PRR16: variants seen among roughly 807,000 people sequenced by gnomAD.
PRR16 encodes the protein protein Largen.
Under a neutral mutation model 18.2 loss-of-function variants are expected in PRR16, and 6 were observed. That is an observed-to-expected ratio of 0.33 (90% CI 0.18 to 0.65). The LOEUF (loss-of-function observed/expected upper bound fraction) is 0.65. Ranked by LOEUF, PRR16 falls within the 30% of genes least tolerant of loss-of-function variation. PRR16 has a pLI of 0.74. For missense variants in PRR16, 412 were observed against 376.6 expected, an observed-to-expected ratio of 1.09 and a Z score of -0.78; for synonymous variants, 151 against 147.8, an observed-to-expected ratio of 1.02 and a Z score of -0.16.
At chr5:120,683,529 TAAAC>T (rs1447919917) in intron 1 of PRR16, among the ~76,000 whole-genome samples, 1 of 151,598 alleles carries the variant, frequency 6.6e-6, no homozygotes, top group Middle Eastern at 3.4e-3. Context: ...TGAAACTGTA[TAAAC>T]AAACTAATTA....
downstream of PRR16, among the ~76,000 whole-genome samples, chr5:120,688,123 C>A (rs540363329): frequency 6.2e-4 from 95 of 152,272 alleles, no homozygotes; most frequent in Non-Finnish European, 6.5e-4. Flanking sequence ...AGGCAGATAG[C>A]CTTCAATCGT....
chr5:120,471,857 T>C lies in PRR16; in HGVS notation c.159+7212T>C, dbSNP rs148008538. On this transcript the variant is annotated intron_variant, in intron 1 of 1. Transcript: ENST00000407149. ...TGAGAAAATAAAGACATATCTAATATCCAAATCAAAGTAGACTCACAAGGT... is the reference window on the plus strand; with the variant it reads ...TGAGAAAATAAAGACATATCTAATACCCAAATCAAAGTAGACTCACAAGGT... Among the ~76,000 whole-genome samples the C allele has an allele frequency of 1.0e-2, 1,520 of 152,204 alleles. 8 individuals carry two copies. Among genetic ancestry groups the C allele is most frequent in the Non-Finnish European group, 0.016 (1,065 of 67,958 alleles).
rs977177640 is a variant in PRR16 at position 120,526,187 on chromosome 5, T to G, written c.159+61542T>G. On this transcript the variant is annotated intron_variant, in intron 1 of 1. Coordinates refer to ENST00000407149, the MANE Select transcript of PRR16 (RefSeq NM_001300783.2). ...GTACTGTGGGTCTGGATAATAAAGA[T>G]CTCATCCTGTGGTCAGCTCCTTGTC... 2.0e-5 allele frequency among the ~76,000 whole-genome samples: 3 copies of G among 152,208 alleles called. No homozygotes were observed. The East Asian group carries it at 5.8e-4, about 29-fold the overall frequency.
chr5:120,620,429 A>C (rs1375461), intron 1 of PRR16, among the ~76,000 whole-genome samples: 6,158 of 152,192 alleles, frequency 0.04, 427 homozygotes, highest in African/African-American at 0.14. Flanking sequence ...TTTGTTGTCA[A>C]ATCAAAACAA....
At chr5:120,538,521 A>G (rs78303812) in intron 1 of PRR16, among the ~76,000 whole-genome samples, 7,710 of 152,350 alleles carry the variant, frequency 0.051, 246 homozygotes, top group East Asian at 0.1. Flanking sequence ...ACAAACATTA[A>G]TATATGCTAT....
At chr5:120,622,720 A>C (rs913199482) in intron 1 of PRR16, among the ~76,000 whole-genome samples, 111 of 151,214 alleles carry the variant, frequency 7.3e-4, no homozygotes, top group African/African-American at 2.5e-3. Flanking sequence ...CTTATGATCC[A>C]CCCGCCTCAG....
chr5:120,494,836 G>GA (rs1340809760), intron 1 of PRR16, among the ~76,000 whole-genome samples: 1 of 151,986 alleles, frequency 6.6e-6, no homozygotes, highest in Non-Finnish European at 1.5e-5. Flanking sequence ...ACCATTTAGT[G>GA]AAAAAACTAG....
intron 1 of PRR16, among the ~76,000 whole-genome samples, chr5:120,614,263 A>C (rs930067538): frequency 1.3e-5 from 2 of 152,204 alleles, no homozygotes; most frequent in Non-Finnish European, 2.9e-5. Flanking sequence ...TTATGTTCTC[A>C]TACTGTGGGC....
At position 120,516,066 on chromosome 5, in the gene PRR16, T is replaced by C. The variant is rs576219663; in HGVS notation, c.159+51421T>C. Among the ~76,000 whole-genome samples the C allele has an allele frequency of 4.6e-5, 7 of 152,276 alleles. No individual in the cohort carries two copies. The South Asian group carries it at 1.2e-3, about 27-fold the overall frequency. ...AGTACAACTGCTTCCCTAGATTGTC[T>C]CCACAATGCAGTTCAAGACTGAAAA... On this transcript the variant is annotated intron_variant, in intron 1 of 1. Coordinates refer to ENST00000407149, the MANE Select transcript of PRR16 (RefSeq NM_001300783.2).
intron 1 of PRR16, among the ~76,000 whole-genome samples, chr5:120,573,076 A>G (rs895379458): frequency 9.9e-5 from 15 of 152,110 alleles, no homozygotes; most frequent in South Asian, 2.1e-4. Context: ...TGAAACACCA[A>G]TATTCTCATT....
At chr5:120,472,759 C>A (rs1326039486) in intron 1 of PRR16, among the ~76,000 whole-genome samples, 2 of 152,006 alleles carry the variant, frequency 1.3e-5, no homozygotes, top group African/African-American at 4.8e-5. Context: ...CAGTTTCTTT[C>A]TCTTAGGATG....
chr5:120,537,350 G>A (rs1751750681), intron 1 of PRR16, among the ~76,000 whole-genome samples: 1 of 152,104 alleles, frequency 6.6e-6, no homozygotes, highest in African/African-American at 2.4e-5. Flanking sequence ...TAGCACTTTT[G>A]GAAGAGGTGT....
chr5:120,486,861 A>G (rs1349418318), intron 1 of PRR16, among the ~76,000 whole-genome samples: 1 of 152,342 alleles, frequency 6.6e-6, no homozygotes, highest in Non-Finnish European at 1.5e-5. Context: ...AGCTTTCTAC[A>G]TATGGCTAGC....
the PRR16 span, among the ~76,000 whole-genome samples, chr5:120,770,534 T>A: frequency 6.6e-6 from 1 of 151,888 alleles, no homozygotes; most frequent in East Asian, 1.9e-4. Flanking sequence ...ATTACTAAGA[T>A]ACGAAAAGGA....
intron 1 of PRR16, among the ~76,000 whole-genome samples, chr5:120,564,205 G>A (rs1381267133): frequency 6.6e-6 from 1 of 152,132 alleles, no homozygotes; most frequent in East Asian, 1.9e-4. Context: ...GAGCTGCAAC[G>A]CCTTCGGTTG....
the PRR16 span, among the ~76,000 whole-genome samples, chr5:120,747,256 T>C: frequency 0.092 from 14,067 of 152,216 alleles, 845 homozygotes; most frequent in Admixed American, 0.17. Flanking sequence ...AGATTTACGT[T>C]TAACAGTTGA....
intron 1 of PRR16, among the ~76,000 whole-genome samples, chr5:120,638,218 A>G (rs1178537500): frequency 6.6e-6 from 1 of 152,134 alleles, no homozygotes; most frequent in Non-Finnish European, 1.5e-5. Flanking sequence ...GCAACATGTT[A>G]GTGCTCAAAA....
intron 1 of PRR16, among the ~76,000 whole-genome samples, chr5:120,478,124 A>C (rs997085345): frequency 1.3e-5 from 2 of 152,154 alleles, no homozygotes; most frequent in African/African-American, 4.8e-5. Flanking sequence ...GCTGGCATGT[A>C]GTAGATGCTC....
intron 1 of PRR16, among the ~76,000 whole-genome samples, chr5:120,511,395 CTCATT>C (rs1296476213): frequency 6.6e-6 from 1 of 152,134 alleles, no homozygotes; most frequent in Non-Finnish European, 1.5e-5. Context: ...GACTCTCCTT[CTCATT>C]TATTATTGTT....
Sources: allele counts gnomAD v4.1 joint callset (sites outside exome capture counted in the v4.1 genomes callset), GRCh38; gene constraint gnomAD v4.1.1; transcripts MANE v1.5; gene names NCBI Gene and HGNC (gene_info 2026-07-23, HGNC 2026-07-21).